Variants in SUPT20H observed in about 807,000 individuals in gnomAD.
SUPT20H encodes SPT20 homolog, SAGA complex component.
SUPT20H carries 82 observed loss-of-function variants against 122.8 expected under a neutral mutation model. The observed-to-expected ratio is 0.67, with a 90% CI of 0.56 to 0.80. SUPT20H has a LOEUF of 0.80. Ranked by LOEUF, SUPT20H falls within the 30% of genes least tolerant of loss-of-function variation. The pLI, the probability that SUPT20H is intolerant of heterozygous loss-of-function variation, is 0.00. For missense variants in SUPT20H, 831 were observed against 921.6 expected (o/e 0.90, Z 1.27); for synonymous variants, 291 against 313.0 (o/e 0.93, Z 0.74).
At chr13:37,033,738 T>C (rs2063825357) in intron 9 of SUPT20H, 150 bp from the exon 10 acceptor site, 4 of 861,804 alleles carry the variant, frequency 4.6e-6, no homozygotes, top group Non-Finnish European at 6.6e-6. Flanking sequence ...AGTGTGCATG[T>C]AAACTTTTAG....
At chr13:37,034,661 G>C (rs1349198312) in intron 9 of SUPT20H, among the ~76,000 whole-genome samples, 1 of 152,144 alleles carries the variant, frequency 6.6e-6, no homozygotes, top group Non-Finnish European at 1.5e-5. Context: ...AACTGATGAA[G>C]GTGGTTACCT....
At chr13:37,045,403 A>C in intron 5 of SUPT20H, 30 bp from the exon 6 acceptor site, 1 of 1,611,236 alleles carries the variant, frequency 6.2e-7, no homozygotes, top group South Asian at 1.1e-5. Context: ...AGCTCATGAA[A>C]ATAATCCAGT....
rs1211568639 is a variant in SUPT20H, at chr13:37,021,441, T to C, written c.1816+7A>G. On this transcript the variant is annotated splice_region_variant and intron_variant, in intron 21 of 25. Transcript: ENST00000350612. ...TTTTTAGAGGTTATTATTTCCAACATTCTGACCTGCTTGAGAAGCTGCCTG... is the reference window on the plus strand; with the variant it reads ...TTTTTAGAGGTTATTATTTCCAACACTCTGACCTGCTTGAGAAGCTGCCTG... The C allele has an allele frequency of 1.9e-6, 3 of 1,600,918 alleles. No individual in the cohort carries two copies. Among genetic ancestry groups the C allele is most frequent in the Non-Finnish European group, 2.6e-6 (3 of 1,173,790 alleles).
intron 1 of SUPT20H, among the ~76,000 whole-genome samples, chr13:37,054,814 AG>A (rs1276886473): frequency 6.6e-6 from 1 of 152,210 alleles, no homozygotes; most frequent in Non-Finnish European, 1.5e-5. Context: ...TTAGGAAAAG[AG>A]GAAGTCAAAT....
chr13:37,031,836 G>A lies in SUPT20H; in HGVS notation c.767C>T (p.Pro256Leu), dbSNP rs538236285. 5.6e-6 allele frequency: 9 copies of A among 1,609,202 alleles called. No homozygotes were observed. In the East Asian group the frequency reaches 6.7e-5, roughly 12 times the overall value. The change falls in exon 11 of 26, where the codon CCA becomes CTA. Residue 256 changes from proline to leucine, a missense_variant. Transcript: ENST00000350612. ...AAGTAACCTCAGCTGAGGAGGAGGT[G>A]GACAATGAGATAGATCTTGCTGCCG... ...LNRQQDLSHCPPPPQLRLLDF... is the reference protein window; with the variant it reads ...LNRQQDLSHCLPPPQLRLLDF...
At chr13:37,050,432 C>CCCATTTT (rs1404876685) in intron 2 of SUPT20H, among the ~76,000 whole-genome samples, 11 of 151,814 alleles carry the variant, frequency 7.2e-5, no homozygotes, top group African/African-American at 2.7e-4. Context: ...ATTCCTGACT[C>CCCATTTT]CCATTTTCCC....
chr13:37,056,516 C>CA (rs2069078800), intron 1 of SUPT20H, among the ~76,000 whole-genome samples: 1 of 150,864 alleles, frequency 6.6e-6, no homozygotes, highest in African/African-American at 2.4e-5. Context: ...ATCGCAAGGA[C>CA]AAAAAACCAA....
chr13:37,028,084 TAC>T (rs757421146), intron 14 of SUPT20H, 62 bp downstream of exon 14: 4 of 1,417,620 alleles, frequency 2.8e-6, no homozygotes, highest in Non-Finnish European at 3.8e-6. Context: ...CATCAGTAGT[TAC>T]TAGATAAATT....
chr13:37,058,486 T>TA (rs2139610734), intron 1 of SUPT20H, among the ~76,000 whole-genome samples: 1 of 152,314 alleles, frequency 6.6e-6, no homozygotes, highest in African/African-American at 2.4e-5. Flanking sequence ...GTGATGACTT[T>TA]AAGATTTCTT....
Position 37,012,195 on chromosome 13 carries a change from C to T in SUPT20H, c.2095G>A (p.Ala699Thr). 1 of 1,611,230 alleles carries T rather than the reference C, an allele frequency of 6.2e-7. No homozygotes were observed. Among genetic ancestry groups the T allele is most frequent in the Non-Finnish European group, 8.5e-7 (1 of 1,177,752 alleles). ...GVGSFMQSQA[A>T]VLSQLGSAEN... is the part of the protein sequence containing the mutation. ...ATAAAGTTATGAAGATACCTACCAGCTGCCTGTGACTGCATAAAACTTCCT... is the reference window on the plus strand; with the variant it reads ...ATAAAGTTATGAAGATACCTACCAGTTGCCTGTGACTGCATAAAACTTCCT... Residue 699 changes from alanine (A) to threonine (T), a missense_variant, in exon 24 of 26, where the codon GCT becomes ACT. By Grantham distance (58) the Ala-to-Thr change is moderately conservative (BLOSUM62 0). Transcript: ENST00000350612.
Position 37,010,644 on chromosome 13 carries a change from G to T in SUPT20H, c.2110C>A (p.Leu704Ile). Residue 704 changes from leucine (L) to isoleucine (I), a missense_variant, in exon 25 of 26, where the codon CTT becomes ATT. Leu to Ile is a conservative substitution (Grantham distance 5). Coordinates refer to ENST00000350612, the MANE Select transcript of SUPT20H (RefSeq NM_001014286.3). ...TCAGGTCTGTTCTCGGCAGAGCCAA[G>T]CTGAGACAACACTACAGAGAGGAGA... The part of the protein sequence containing the change: ...MQSQAAVLSQ[L>I]GSAENRPEQS... 8 of 1,613,678 alleles carry T rather than the reference G, an allele frequency of 5.0e-6. No individual in the cohort carries two copies. The highest frequency in any genetic ancestry group is 5.9e-6 in the Non-Finnish European group (7 of 1,179,798).
chr13:37,021,681 CAAAA>C, intron 20 of SUPT20H, 79 bp from the exon 21 acceptor site: 1 of 1,432,728 alleles, frequency 7.0e-7, no homozygotes, highest in South Asian at 1.4e-5. Flanking sequence ...GATTAAAAAA[CAAAA>C]CTACTAAGCA....
At chr13:37,055,170 A>G (rs1451592349) in intron 1 of SUPT20H, among the ~76,000 whole-genome samples, 2 of 152,228 alleles carry the variant, frequency 1.3e-5, no homozygotes, top group Non-Finnish European at 2.9e-5. Context: ...AAGAATCAAT[A>G]TCGTGAAAAT....
At chr13:37,040,099 C>A in intron 9 of SUPT20H, 1 of 218,972 alleles carries the variant, frequency 4.6e-6, no homozygotes, top group Non-Finnish European at 8.8e-6. Flanking sequence ...AAACCAGTAT[C>A]TATTTGTAAC....
At chr13:37,041,148 G>A (rs1230840304) in intron 7 of SUPT20H, among the ~76,000 whole-genome samples, 1 of 152,106 alleles carries the variant, frequency 6.6e-6, no homozygotes, top group Non-Finnish European at 1.5e-5. Context: ...TATTTGCTCT[G>A]CTAAAATTTT....
At chr13:37,025,928 T>A (rs1695818287) in intron 16 of SUPT20H, 1 of 313,642 alleles carries the variant, frequency 3.2e-6, no homozygotes, top group African/African-American at 2.1e-5. Context: ...AAAAATCTCA[T>A]CCCATGAAAA....
Position 37,009,616 on chromosome 13 carries a change from T to C in SUPT20H, c.*56A>G, listed in dbSNP as rs760534356. 24 of 1,603,028 alleles carry C rather than the reference T, an allele frequency of 1.5e-5. No homozygotes were observed. Among genetic ancestry groups the C allele is most frequent in the Non-Finnish European group, 2.0e-5 (23 of 1,170,952 alleles). ...AAAAAACAAAAAGTAGAAACTCAAT[T>C]CTTTTGATTCAGTGCTCTTGTGTTT... On this transcript the variant is annotated 3_prime_UTR_variant, in exon 26 of 26. Coordinates refer to ENST00000350612, the MANE Select transcript of SUPT20H (RefSeq NM_001014286.3).
intron 21 of SUPT20H, among the ~76,000 whole-genome samples, chr13:37,020,821 A>G (rs2061367294): frequency 6.6e-6 from 1 of 152,244 alleles, no homozygotes; most frequent in Non-Finnish European, 1.5e-5. Context: ...GCATCAAAAA[A>G]ATAAGCACAA....
At position 37,026,777 on chromosome 13, in the gene SUPT20H, AT is replaced by A; in HGVS notation, c.1178+12del. 7.3e-7 allele frequency: 1 copy of A among 1,370,350 alleles called. No individual in the cohort carries two copies. Among genetic ancestry groups the A allele is most frequent in the Non-Finnish European group, 9.8e-7 (1 of 1,023,318 alleles). 84.9% of individuals were successfully genotyped at this position (1,370,350 alleles called of 1,614,324 possible). A position where few individuals can be genotyped will look rare whatever the true frequency, so the allele number is the denominator to read the frequency against. On this transcript the variant is annotated intron_variant, in intron 15 of 25. Transcript: ENST00000350612. ...ATTTCTTAACAGATTAAAATAGTTT[AT>A]TTTTTAATTACCAATTTGAATGATC...
Sources: allele counts gnomAD v4.1 joint callset (sites outside exome capture counted in the v4.1 genomes callset), GRCh38; gene constraint gnomAD v4.1.1; transcripts MANE v1.5; gene names NCBI Gene and HGNC (gene_info 2026-07-23, HGNC 2026-07-21).